The following PTPRD variants were observed in gnomAD, a reference collection of about 807,000 sequenced individuals.
PTPRD encodes protein tyrosine phosphatase receptor type D, also known as receptor-type tyrosine-protein phosphatase delta.
In PTPRD, 34 loss-of-function variants were observed where a neutral mutation model predicts 214.5. That is an observed-to-expected ratio of 0.16 (90% CI 0.12 to 0.21). The LOEUF (loss-of-function observed/expected upper bound fraction) is 0.21, where lower values mean the gene tolerates loss of function less well. Among genes scored for constraint, PTPRD ranks in the 10% least tolerant of loss-of-function variants. The probability of loss-of-function intolerance (pLI) is 1.00; values close to 1 mark genes in which losing one functional copy is unlikely to be tolerated. For synonymous variants in PTPRD, 1,128 were observed against 845.7 expected (o/e 1.33, Z -5.79); for missense variants, 2,545 against 2,398.7 (o/e 1.06, Z -1.27).
intron 7 of PTPRD, among the ~76,000 whole-genome samples, chr9:9,591,755 G>T (rs149756806): frequency 6.6e-6 from 1 of 152,134 alleles, no homozygotes; most frequent in East Asian, 1.9e-4. Flanking sequence ...ATTATGTAAT[G>T]ATCAAATCAG....
chr9:10,545,418 C>T (rs1447351268), intron 2 of PTPRD, among the ~76,000 whole-genome samples: 1 of 152,160 alleles, frequency 6.6e-6, no homozygotes, highest in African/African-American at 2.4e-5. Flanking sequence ...GGGCTATTTA[C>T]ACTATACACA....
chr9:10,212,586 G>T, intron 3 of PTPRD, among the ~76,000 whole-genome samples: 1 of 151,994 alleles, frequency 6.6e-6, no homozygotes, highest in East Asian at 1.9e-4. Flanking sequence ...TTACTCAAAA[G>T]CATAGTTAGA....
chr9:9,271,036 T>G (rs1184387974), intron 9 of PTPRD, among the ~76,000 whole-genome samples: 3 of 151,220 alleles, frequency 2.0e-5, no homozygotes, highest in Non-Finnish European at 4.4e-5. Flanking sequence ...CATGTTAAGT[T>G]TAAAGTGCTT....
intron 11 of PTPRD, among the ~76,000 whole-genome samples, chr9:8,923,628 A>G (rs1364230069): frequency 6.6e-6 from 1 of 152,204 alleles, no homozygotes; most frequent in Non-Finnish European, 1.5e-5. Context: ...ATGCAAAAAA[A>G]AGTTACTCAG....
chr9:10,244,036 T>TGAG (rs71321236), intron 3 of PTPRD, among the ~76,000 whole-genome samples: 83,583 of 151,414 alleles, frequency 0.55, 24,652 homozygotes, highest in East Asian at 0.73. Flanking sequence ...GAGGATTAAA[T>TGAG]GTAATATACG....
At chr9:10,194,969 C>T (rs1390994297) in intron 3 of PTPRD, among the ~76,000 whole-genome samples, 1 of 145,202 alleles carries the variant, frequency 6.9e-6, no homozygotes, top group Non-Finnish European at 1.5e-5. Flanking sequence ...GAGACAGAGT[C>T]TTGTTCAGGC....
At chr9:9,243,919 G>A (rs1166751300) in intron 9 of PTPRD, among the ~76,000 whole-genome samples, 1 of 152,184 alleles carries the variant, frequency 6.6e-6, no homozygotes, top group Non-Finnish European at 1.5e-5. Context: ...ATCTCCTTAA[G>A]CTGACAAGCA....
intron 3 of PTPRD, among the ~76,000 whole-genome samples, chr9:10,181,954 A>G (rs1414046298): frequency 1.3e-5 from 2 of 148,992 alleles, no homozygotes; most frequent in African/African-American, 2.4e-5. Context: ...AAAAAAAAAA[A>G]AAAAAAAAAA....
chr9:9,023,456 T>C (rs1569448586), intron 10 of PTPRD, among the ~76,000 whole-genome samples: 1 of 152,124 alleles, frequency 6.6e-6, no homozygotes, highest in Non-Finnish European at 1.5e-5. Context: ...TCTTTGTGGA[T>C]TACTTGGACC....
chr9:8,933,340 GTTTT>G (rs71317383), intron 11 of PTPRD, among the ~76,000 whole-genome samples: 8 of 80,436 alleles, frequency 9.9e-5, no homozygotes, highest in Middle Eastern at 8.8e-3. Flanking sequence ...CAACCTTGAG[GTTTT>G]TTTTTTTTTT....
intron 14 of PTPRD, among the ~76,000 whole-genome samples, chr9:8,581,192 T>G (rs1432748745): frequency 6.6e-6 from 1 of 151,218 alleles, no homozygotes; most frequent in Non-Finnish European, 1.5e-5. Flanking sequence ...TAGGAATATA[T>G]TATAAAAAAA....
At chr9:9,806,800 G>C (rs2099075861) in intron 5 of PTPRD, among the ~76,000 whole-genome samples, 1 of 152,026 alleles carries the variant, frequency 6.6e-6, no homozygotes, top group Non-Finnish European at 1.5e-5. Flanking sequence ...CAAAATGGCG[G>C]GGTTTGACTG....
chr9:9,596,672 G>T (rs985349202), intron 7 of PTPRD, among the ~76,000 whole-genome samples: 1 of 151,984 alleles, frequency 6.6e-6, no homozygotes, highest in African/African-American at 2.4e-5. Flanking sequence ...CAGTATTAAA[G>T]ACTTGATTGT....
intron 9 of PTPRD, among the ~76,000 whole-genome samples, chr9:9,220,645 G>A (rs1166442347): frequency 6.6e-6 from 1 of 151,894 alleles, no homozygotes; most frequent in Non-Finnish European, 1.5e-5. Flanking sequence ...TGCATTTCGG[G>A]GGGTTGAATT....
chr9:8,892,412 A>T (rs2098547363), intron 11 of PTPRD, among the ~76,000 whole-genome samples: 1 of 152,046 alleles, frequency 6.6e-6, no homozygotes, highest in South Asian at 2.1e-4. Flanking sequence ...TCATGCCACA[A>T]ACATTTTCCA....
At chr9:8,689,729 A>G (rs1420246043) in intron 12 of PTPRD, among the ~76,000 whole-genome samples, 1 of 152,196 alleles carries the variant, frequency 6.6e-6, no homozygotes, top group East Asian at 1.9e-4. Context: ...ACAGGATGTA[A>G]TATCCTATTT....
intron 10 of PTPRD, among the ~76,000 whole-genome samples, chr9:9,095,891 C>T (rs1283071528): frequency 2.6e-5 from 4 of 152,060 alleles, no homozygotes; most frequent in Non-Finnish European, 5.9e-5. Flanking sequence ...CCCTGTGGTA[C>T]ATATATACAA....
In PTPRD at chr9:10,347,174, C is replaced by A. The variant is rs1023000540; in HGVS notation, c.-599-6157G>T. Among the ~76,000 whole-genome samples the A allele has an allele frequency of 2.0e-5, 3 of 152,146 alleles. No homozygotes were observed. In the South Asian group the frequency reaches 6.2e-4, roughly 32 times the overall value. On this transcript the variant is annotated intron_variant, in intron 2 of 45. Coordinates refer to ENST00000381196, the MANE Select transcript of PTPRD (RefSeq NM_002839.4). ...TCTTCTTTTCTCATTCCTCTCTTTA[C>A]ACTTCATTGTCTGCCACTGTTATTC...
chr9:9,741,147 A>T (rs1322871666), intron 6 of PTPRD, among the ~76,000 whole-genome samples: 2 of 152,186 alleles, frequency 1.3e-5, no homozygotes, highest in Admixed American at 6.5e-5. Flanking sequence ...ATGTAAATGT[A>T]TTGAGTTTGA....
Sources: gnomAD v4.1 joint callset for allele counts (sites outside exome capture counted in the v4.1 genomes callset) on GRCh38, gnomAD v4.1.1 for gene constraint, MANE v1.5 for transcripts, NCBI Gene and HGNC (gene_info 2026-07-23, HGNC 2026-07-21) for gene names.